Variants in PID1 observed in about 807,000 individuals in gnomAD.
The protein encoded by PID1 is phosphotyrosine interaction domain containing 1, also known as PTB-containing, cubilin and LRP1-interacting protein.
PID1 carries 10 observed loss-of-function variants against 19.1 expected under a neutral mutation model. The ratio of observed to expected loss-of-function variants is 0.52; its 90% confidence interval spans 0.32 to 0.89. PID1 has a LOEUF of 0.89. Among genes scored for constraint, PID1 ranks in the 40% least tolerant of loss-of-function variants. The pLI, the probability that PID1 is intolerant of heterozygous loss-of-function variation, is 0.03. For missense variants in PID1, 248 were observed against 285.3 expected, an observed-to-expected ratio of 0.87 and a Z score of 0.94; for synonymous variants, 130 against 116.0, an observed-to-expected ratio of 1.12 and a Z score of -0.78.
chr2:229,190,837 C>T (rs1473461239), intron 1 of PID1, among the ~76,000 whole-genome samples: 1 of 152,120 alleles, frequency 6.6e-6, no homozygotes, highest in Non-Finnish European at 1.5e-5. Context: ...CAAGGAGATC[C>T]ACTGGTACAT....
chr2:229,214,174 T>C (rs1317165606), intron 1 of PID1, among the ~76,000 whole-genome samples: 1 of 152,194 alleles, frequency 6.6e-6, no homozygotes, highest in East Asian at 1.9e-4. Flanking sequence ...GTGGTTAACA[T>C]CAGTAGTCCT....
chr2:229,115,402 G>GAA (rs59442124), intron 2 of PID1, among the ~76,000 whole-genome samples: 8,407 of 120,424 alleles, frequency 0.07, 422 homozygotes, highest in East Asian at 0.2. Flanking sequence ...CTACTCTGGA[G>GAA]AAAAAAAAAA....
chr2:229,103,962 A>C (rs1441551016), intron 2 of PID1, among the ~76,000 whole-genome samples: 1 of 152,238 alleles, frequency 6.6e-6, no homozygotes, highest in Non-Finnish European at 1.5e-5. Flanking sequence ...GGATCATCAA[A>C]GAAAACAAGA....
intron 2 of PID1, among the ~76,000 whole-genome samples, chr2:229,140,353 C>T (rs1689986498): frequency 1.3e-5 from 2 of 152,044 alleles, no homozygotes; most frequent in Non-Finnish European, 2.9e-5. Context: ...GGACACTTCA[C>T]CTGCGGGATC....
Position 229,225,379 on chromosome 2 carries a change from T to C in PID1, c.30+45635A>G, listed in dbSNP as rs1332502422. Among the ~76,000 whole-genome samples, 8 of 152,034 alleles carry C rather than the reference T, an allele frequency of 5.3e-5. No homozygotes were observed. The South Asian group carries it at 1.5e-3, about 28-fold the overall frequency. ...AGGGTCATTCTCCATCCTCTATGGA[T>C]TGGATCCTTCACTTGCTCTCAGGCT... On this transcript the variant is annotated intron_variant, in intron 1 of 2. Transcript: ENST00000392055.
intron 1 of PID1, among the ~76,000 whole-genome samples, chr2:229,192,628 A>C (rs1324134804): frequency 6.6e-6 from 1 of 152,216 alleles, no homozygotes; most frequent in African/African-American, 2.4e-5. Context: ...ATACAGGAGA[A>C]GGTTCCTGCT....
At chr2:229,173,527 A>C (rs1170914923) in intron 1 of PID1, among the ~76,000 whole-genome samples, 4 of 152,150 alleles carry the variant, frequency 2.6e-5, no homozygotes, top group Non-Finnish European at 4.4e-5. Flanking sequence ...TAATCTTCTT[A>C]TTAATACTGA....
chr2:229,075,285 G>GT (rs1440693547), intron 2 of PID1, among the ~76,000 whole-genome samples: 7 of 152,128 alleles, frequency 4.6e-5, no homozygotes, highest in Non-Finnish European at 7.4e-5. Flanking sequence ...GTAAAAAATC[G>GT]TAAGTCAAAC....
chr2:229,057,072 G>T (rs902367610), intron 2 of PID1, among the ~76,000 whole-genome samples: 5 of 152,026 alleles, frequency 3.3e-5, no homozygotes, highest in African/African-American at 9.7e-5. Flanking sequence ...AAGACGTGTT[G>T]AATATCACTA....
chr2:229,162,684 C>T (rs1690513935), intron 1 of PID1, among the ~76,000 whole-genome samples: 1 of 152,184 alleles, frequency 6.6e-6, no homozygotes, highest in South Asian at 2.1e-4. Flanking sequence ...AACACTAGGG[C>T]TTTGACATTC....
At chr2:229,075,458 T>G (rs903870268) in intron 2 of PID1, among the ~76,000 whole-genome samples, 1 of 152,210 alleles carries the variant, frequency 6.6e-6, no homozygotes, top group Non-Finnish European at 1.5e-5. Flanking sequence ...CACTGACTAC[T>G]TTTATAGAAA....
intron 2 of PID1, among the ~76,000 whole-genome samples, chr2:229,036,743 A>T (rs1290333115): frequency 6.6e-6 from 1 of 152,134 alleles, no homozygotes; most frequent in Non-Finnish European, 1.5e-5. Flanking sequence ...GCTAGACTCC[A>T]GCTCAAAAAA....
At chr2:229,259,953 T>C (rs1186367694) in intron 1 of PID1, among the ~76,000 whole-genome samples, 1 of 152,142 alleles carries the variant, frequency 6.6e-6, no homozygotes, top group Non-Finnish European at 1.5e-5. Context: ...CTGGCATCTT[T>C]ATCTTGGACT....
chr2:229,233,573 C>A (rs1692262539), intron 1 of PID1, among the ~76,000 whole-genome samples: 1 of 151,766 alleles, frequency 6.6e-6, no homozygotes, highest in South Asian at 2.1e-4. Context: ...CTCACTGCAA[C>A]CTCCACCTCC....
chr2:229,207,316 T>G (rs991087138), intron 1 of PID1, among the ~76,000 whole-genome samples: 1 of 151,880 alleles, frequency 6.6e-6, no homozygotes, highest in African/African-American at 2.4e-5. Flanking sequence ...AGGCCATAAG[T>G]ATGGGACTGA....
chr2:229,218,036 G>A, intron 1 of PID1, among the ~76,000 whole-genome samples: 1 of 152,162 alleles, frequency 6.6e-6, no homozygotes, highest in East Asian at 1.9e-4. Context: ...TTCCTCGGCT[G>A]TGCAGCCCAA....
At chr2:229,057,362 C>T (rs116506990) in intron 2 of PID1, among the ~76,000 whole-genome samples, 9,005 of 151,120 alleles carry the variant, frequency 0.06, 495 homozygotes, top group Admixed American at 0.18. Flanking sequence ...GCTTGGAGGC[C>T]GGAGAGTCGC....
intron 2 of PID1, among the ~76,000 whole-genome samples, chr2:229,115,220 C>T (rs917133924): frequency 6.6e-6 from 1 of 151,752 alleles, no homozygotes. Flanking sequence ...TTAAAGAAGG[C>T]TCTGGGCCAG....
intron 1 of PID1, chr2:229,228,096 G>A (rs1258466420): frequency 2.2e-6 from 1 of 455,286 alleles, no homozygotes; most frequent in South Asian, 1.6e-5. Context: ...TGAGAATAAA[G>A]GTCAACACAC....
Sources: allele counts gnomAD v4.1 joint callset (sites outside exome capture counted in the v4.1 genomes callset), GRCh38; gene constraint gnomAD v4.1.1; transcripts MANE v1.5; gene names NCBI Gene and HGNC (gene_info 2026-07-23, HGNC 2026-07-21).